Variants in SMYD3 observed in about 807,000 individuals in gnomAD.
SMYD3 encodes histone-lysine N-methyltransferase SMYD3.
In SMYD3, 36 loss-of-function variants were observed where a neutral mutation model predicts 57.7. The ratio of observed to expected loss-of-function variants is 0.62; its 90% confidence interval spans 0.48 to 0.82. The LOEUF (loss-of-function observed/expected upper bound fraction) is 0.82. Among genes scored for constraint, SMYD3 ranks in the 40% least tolerant of loss-of-function variants. SMYD3 has a pLI of 0.00. For synonymous variants in SMYD3, 211 were observed against 195.0 expected, an observed-to-expected ratio of 1.08 and a Z score of -0.68; for missense variants, 515 against 538.8, an observed-to-expected ratio of 0.96 and a Z score of 0.44.
At chr1:246,374,743 T>G (rs2066245182) in intron 1 of SMYD3, among the ~76,000 whole-genome samples, 1 of 151,218 alleles carries the variant, frequency 6.6e-6, no homozygotes, top group African/African-American at 2.4e-5. Flanking sequence ...GAGGCCGAGG[T>G]TGGTGGATCA....
At chr1:246,027,902 T>A (rs543429185) in intron 5 of SMYD3, among the ~76,000 whole-genome samples, 1 of 152,318 alleles carries the variant, frequency 6.6e-6, no homozygotes, top group East Asian at 1.9e-4. Flanking sequence ...GATTCACTAT[T>A]CCAGACACCA....
chr1:245,960,656 G>A (rs1342966724), intron 5 of SMYD3, among the ~76,000 whole-genome samples: 2 of 152,150 alleles, frequency 1.3e-5, no homozygotes, highest in African/African-American at 2.4e-5. Flanking sequence ...GAGCCTGGGA[G>A]GTGGAGGTTG....
At chr1:245,866,925 A>G (rs985664068) in intron 8 of SMYD3, among the ~76,000 whole-genome samples, 2 of 152,168 alleles carry the variant, frequency 1.3e-5, no homozygotes, top group African/African-American at 4.8e-5. Context: ...CCAGTTTTAC[A>G]TTTCACAACT....
At chr1:245,915,801 TCA>T (rs2055368079) in intron 7 of SMYD3, among the ~76,000 whole-genome samples, 161 bp from the exon 8 acceptor site, 1 of 152,222 alleles carries the variant, frequency 6.6e-6, no homozygotes, top group Non-Finnish European at 1.5e-5. Flanking sequence ...ACCCAAATGA[TCA>T]CACGTAAATT....
intron 10 of SMYD3, among the ~76,000 whole-genome samples, chr1:245,850,665 C>T (rs932882421): frequency 1.3e-5 from 2 of 152,176 alleles, no homozygotes; most frequent in Non-Finnish European, 1.5e-5. Flanking sequence ...TGCACCACTA[C>T]ACTCCAGCCT....
In SMYD3 at chr1:246,327,486, A is replaced by G; in HGVS notation, c.395-149T>C. 4.0e-6 allele frequency: 3 copies of G among 751,382 alleles called. No homozygotes were observed. In the South Asian group the frequency reaches 6.1e-5, roughly 15 times the overall value. 46.5% of individuals were successfully genotyped at this position (751,382 alleles called of 1,614,324 possible). ...CAAATACATATTGTTTTATCTTTTG[A>G]CAACTAAATATGATGCATATGTTAT... On this transcript the variant is annotated intron_variant, in intron 4 of 11. Transcript: ENST00000490107.
intron 1 of SMYD3, among the ~76,000 whole-genome samples, chr1:246,385,272 T>G (rs1012899087): frequency 2.0e-5 from 3 of 147,894 alleles, no homozygotes; most frequent in Non-Finnish European, 3.0e-5. Context: ...GAGAACTACA[T>G]GCGAATTTTA....
At chr1:245,932,112 T>G (rs1004218547) in intron 5 of SMYD3, among the ~76,000 whole-genome samples, 2 of 152,196 alleles carry the variant, frequency 1.3e-5, no homozygotes, top group Admixed American at 6.5e-5. Flanking sequence ...TTAACAAATA[T>G]TTTAAAGTAT....
chr1:246,448,947 G>T (rs1194813966), intron 1 of SMYD3, among the ~76,000 whole-genome samples: 3 of 152,098 alleles, frequency 2.0e-5, no homozygotes, highest in East Asian at 1.9e-4. Context: ...AGTTTACCCT[G>T]CTGGGCACAG....
chr1:246,161,615 C>T (rs1330272733), intron 5 of SMYD3, among the ~76,000 whole-genome samples: 1 of 152,168 alleles, frequency 6.6e-6, no homozygotes, highest in Admixed American at 6.6e-5. Flanking sequence ...AATAGATGTA[C>T]CCACAGAGCC....
chr1:245,822,786 T>C (rs2049247391), intron 10 of SMYD3, among the ~76,000 whole-genome samples: 1 of 152,146 alleles, frequency 6.6e-6, no homozygotes, highest in African/African-American at 2.4e-5. Context: ...TCTCCATAGT[T>C]CCTCTTAACT....
At chr1:245,964,613 G>C (rs944590945) in intron 5 of SMYD3, among the ~76,000 whole-genome samples, 2 of 152,172 alleles carry the variant, frequency 1.3e-5, no homozygotes, top group African/African-American at 4.8e-5. Context: ...GAACAGATAA[G>C]TATAAGCAGA....
At chr1:246,177,568 A>G (rs939453498) in intron 5 of SMYD3, among the ~76,000 whole-genome samples, 2 of 152,190 alleles carry the variant, frequency 1.3e-5, no homozygotes, top group African/African-American at 4.8e-5. Context: ...TTTAAGAAGA[A>G]CAGCAAAAAA....
chr1:246,142,466 CATT>C (rs1216897408), intron 5 of SMYD3, among the ~76,000 whole-genome samples: 2 of 151,976 alleles, frequency 1.3e-5, no homozygotes, highest in African/African-American at 4.8e-5. Flanking sequence ...ACTTTGGGAG[CATT>C]ATTAAGTCAA....
chr1:246,196,713 G>C (rs1236262720), intron 5 of SMYD3, among the ~76,000 whole-genome samples: 2 of 152,110 alleles, frequency 1.3e-5, no homozygotes, highest in African/African-American at 4.8e-5. Flanking sequence ...TACAGAAATA[G>C]TTGCTTAGTA....
At chr1:245,788,942 G>A (rs1178544699) in intron 10 of SMYD3, 3 of 152,200 alleles carry the variant, frequency 2.0e-5, no homozygotes, top group Admixed American at 6.6e-5. Flanking sequence ...TTCAGAAACT[G>A]GGCCAATTCT....
At chr1:246,068,722 A>G (rs1282279042) in intron 5 of SMYD3, among the ~76,000 whole-genome samples, 1 of 152,218 alleles carries the variant, frequency 6.6e-6, no homozygotes, top group Admixed American at 6.5e-5. Context: ...AACCACAATA[A>G]AAAATACTAC....
intron 5 of SMYD3, among the ~76,000 whole-genome samples, chr1:245,931,366 G>A (rs1034180601): frequency 1.3e-5 from 2 of 152,136 alleles, no homozygotes; most frequent in Non-Finnish European, 2.9e-5. Context: ...ACTGCGGGAC[G>A]GCTTGTGGGG....
At position 246,506,994 on chromosome 1, in the gene SMYD3, C is replaced by CCCCCCCCCCCA; in HGVS notation, c.164+59_164+60insTGGGGGGGGGG. 6 of 894,052 alleles carry CCCCCCCCCCCA rather than the reference C, an allele frequency of 6.7e-6. No homozygotes were observed. In the East Asian group the frequency reaches 1.4e-4, roughly 20 times the overall value. 55.4% of individuals were successfully genotyped at this position (894,052 alleles called of 1,614,324 possible). ...GCGGCTGCCGGCCGCCCGACGCCCC[C>CCCCCCCCCCCA]CCCTCCCCAGCACCCCACACAGCTC... On this transcript the variant is annotated intron_variant, in intron 1 of 11. Coordinates refer to ENST00000490107, the MANE Select transcript of SMYD3 (RefSeq NM_001167740.2).
Sources: gnomAD v4.1 joint callset for allele counts (sites outside exome capture counted in the v4.1 genomes callset) on GRCh38, gnomAD v4.1.1 for gene constraint, MANE v1.5 for transcripts, NCBI Gene and HGNC (gene_info 2026-07-23, HGNC 2026-07-21) for gene names.